Variants in TYK2 observed in about 807,000 individuals in gnomAD.
TYK2 encodes the protein non-receptor tyrosine-protein kinase TYK2.
Under a neutral mutation model 130.9 loss-of-function variants are expected in TYK2, and 65 were observed. The observed-to-expected ratio is 0.50, with a 90% CI of 0.41 to 0.61. The LOEUF (loss-of-function observed/expected upper bound fraction) is 0.61, where lower values mean the gene tolerates loss of function less well. Among genes scored for constraint, TYK2 ranks in the 20% least tolerant of loss-of-function variants. The pLI, the probability that TYK2 is intolerant of heterozygous loss-of-function variation, is 0.00. For synonymous variants in TYK2, 647 were observed against 658.9 expected (o/e 0.98, Z 0.28); for missense variants, 1,378 against 1,610.7 (o/e 0.86, Z 2.47).
intron 2 of TYK2, 139 bp downstream of exon 2, chr19:10,379,476 C>T (rs931833002): frequency 4.6e-5 from 7 of 150,672 alleles, no homozygotes; most frequent in Admixed American, 6.6e-5. Flanking sequence ...TCTTGACCAA[C>T]ATGGTGAAAC....
chr19:10,352,569 C>A lies in TYK2; in HGVS notation c.3201-18G>T. The stretch of plus-strand genomic sequence containing the variant: ...GGGCATACCTAGGGGGAGGGGGGCA[C>A]TCAGGCCACGGGGGGCTGCACTGAG... On this transcript the variant is annotated intron_variant, in intron 22 of 24. Coordinates refer to ENST00000525621, the MANE Select transcript of TYK2 (RefSeq NM_003331.5). 1.5e-6 allele frequency: 2 copies of A among 1,333,130 alleles called. No homozygotes were observed. The highest frequency in any genetic ancestry group is 2.1e-6 in the Non-Finnish European group (2 of 957,624). 82.6% of individuals were successfully genotyped at this position (1,333,130 alleles called of 1,614,324 possible).
Position 10,364,764 on chromosome 19 carries a change from C to A in TYK2, c.1217G>T (p.Ser406Ile). 1 of 1,614,014 alleles carries A rather than the reference C, an allele frequency of 6.2e-7. No homozygotes were observed. Among genetic ancestry groups the A allele is most frequent in the South Asian group, 1.1e-5 (1 of 91,092 alleles). ...CAGCGCCGCAGCCCGGGAAGGCAAG[C>A]TCAGCTCCTGCCAGCCAGGGGCGCA... ...HRQDNKCLEL[S>I]LPSRAAALSF... Residue 406 changes from serine (S) to isoleucine (I), a missense_variant, in exon 9 of 25, where the codon AGC becomes ATC. Ser to Ile is a moderately radical substitution (Grantham distance 142). Transcript: ENST00000525621. This position sits in a 1 kb window ranked among gnomAD's most constrained non-coding sequence, Gnocchi z 4.9.
At chr19:10,372,482 A>ATTTTT (rs1264507144) in intron 3 of TYK2, among the ~76,000 whole-genome samples, 15 of 54,096 alleles carry the variant, frequency 2.8e-4, no homozygotes, top group African/African-American at 8.1e-4. Flanking sequence ...ATATATATAT[A>ATTTTT]TATTTTTTTT....
chr19:10,374,897 A>C (rs2042058322), intron 3 of TYK2, among the ~76,000 whole-genome samples: 1 of 152,190 alleles, frequency 6.6e-6, no homozygotes, highest in East Asian at 1.9e-4. Flanking sequence ...AAAAAAAAAA[A>C]ATCAGTCATG....
rs2040937872 is a variant in TYK2 at position 10,353,823 on chromosome 19, CT to C, written c.2909-178del. ...AGAACCCCATTCTCACTTGAGGGAG[CT>C]GCTGGTGGCTCCCGTCCATCCTGGC... On this transcript the variant is annotated intron_variant, in intron 20 of 24. Coordinates refer to ENST00000525621, the MANE Select transcript of TYK2 (RefSeq NM_003331.5). This position sits in a 1 kb window ranked among gnomAD's most constrained non-coding sequence, Gnocchi z 6.9. The C allele has an allele frequency of 2.9e-6, 2 of 679,720 alleles. No individual in the cohort carries two copies. The highest frequency in any genetic ancestry group is 5.4e-5 in the Admixed American group (2 of 36,714). The allele number at this position is 679,720 out of a possible 1,614,324, so 42.1% of individuals were successfully genotyped here. A position where few individuals can be genotyped will look rare whatever the true frequency, so the allele number is the denominator to read the frequency against.
intron 19 of TYK2, 69 bp from the exon 20 acceptor site, chr19:10,354,303 C>G (rs948005175): frequency 1.3e-6 from 2 of 1,565,990 alleles, no homozygotes; most frequent in Non-Finnish European, 1.7e-6. Flanking sequence ...CCCCCGATTT[C>G]CCGGGCCACT....
At chr19:10,374,672 T>A (rs2042049915) in intron 3 of TYK2, among the ~76,000 whole-genome samples, 1 of 143,456 alleles carries the variant, frequency 7.0e-6, no homozygotes, top group Non-Finnish European at 1.5e-5. Context: ...GGGAACAGCA[T>A]GCATGTTCAA....
chr19:10,362,084 G>C lies in TYK2; in HGVS notation c.1767C>G (p.Ile589Met), dbSNP rs757081324. The C allele has an allele frequency of 2.2e-5, 35 of 1,613,948 alleles. No individual in the cohort carries two copies. The highest frequency in any genetic ancestry group is 2.9e-5 in the Non-Finnish European group (34 of 1,180,004). Residue 589 changes from isoleucine to methionine, a missense_variant, in exon 12 of 25, where the codon ATC becomes ATG. Coordinates refer to ENST00000525621, the MANE Select transcript of TYK2 (RefSeq NM_003331.5). ...LSFHRVDQKE[I>M]TQLSHLGQGT... ...GCCCCTTCCCTGCACCCACCTGGGT[G>C]ATCTCCTTCTGGTCAACCCGGTGGA...
Position 10,358,001 on chromosome 19 carries a change from A to T in TYK2, c.2311+2T>A, listed in dbSNP as rs1215512044. The T allele has an allele frequency of 6.2e-7, 1 of 1,613,176 alleles. No homozygotes were observed. Among genetic ancestry groups the T allele is most frequent in the East Asian group, 2.2e-5 (1 of 44,858 alleles). On this transcript the variant is annotated splice_donor_variant, in intron 16 of 24. Transcript: ENST00000525621. LOFTEE classifies it high-confidence loss of function. The stretch of plus-strand genomic sequence containing the variant: ...TGTGCCCAGGTCCCCTCAGGTACTC[A>T]CCCTCCCTGGAGAGGGCGCCCAGGC...
At chr19:10,354,716 A>T in intron 18 of TYK2, 107 bp from the exon 19 acceptor site, 1 of 922,802 alleles carries the variant, frequency 1.1e-6, no homozygotes, top group Non-Finnish European at 1.8e-6. Context: ...CCGATTCTAG[A>T]GGTAAGAAAA....
At chr19:10,354,009 T>G (rs768600166) in intron 20 of TYK2, 33 bp downstream of exon 20, 1 of 1,609,568 alleles carries the variant, frequency 6.2e-7, no homozygotes. Context: ...CCACGCCCCC[T>G]CAAGTCTCTA....
chr19:10,372,169 T>A (rs1346300166), intron 3 of TYK2, among the ~76,000 whole-genome samples: 1 of 151,218 alleles, frequency 6.6e-6, no homozygotes, highest in East Asian at 2.0e-4. Flanking sequence ...TTTTTTGTAT[T>A]TTTTTAGTAG....
rs748285310 is a variant in TYK2 at position 10,353,126 on chromosome 19, T to C, written c.3028-28A>G. 3 of 1,469,128 alleles carry C rather than the reference T, an allele frequency of 2.0e-6. No homozygotes were observed. The highest frequency in any genetic ancestry group is 2.7e-6 in the Non-Finnish European group (3 of 1,106,050). The allele number at this position is 1,469,128 out of a possible 1,614,324, so 91.0% of individuals were successfully genotyped here. A position where few individuals can be genotyped will look rare whatever the true frequency, so the allele number is the denominator to read the frequency against. On this transcript the variant is annotated intron_variant, in intron 21 of 24. Transcript: ENST00000525621. This position sits in a 1 kb window ranked among gnomAD's most constrained non-coding sequence, Gnocchi z 6.9. ...GGGGACGGGGCAGGGCTCGTGAGTT[T>C]CAGTGGGGCGGGGTTCGGCCGGGGG...
intron 14 of TYK2, among the ~76,000 whole-genome samples, chr19:10,360,739 G>A (rs541126076): frequency 1.3e-5 from 2 of 151,790 alleles, no homozygotes; most frequent in Non-Finnish European, 1.5e-5. Flanking sequence ...CTGTACAAGG[G>A]CTTTATTTTT....
In TYK2 at chr19:10,368,363, G is replaced by A. The variant is rs1415068935; in HGVS notation, c.249C>T (p.Val83=). Residue 83 remains valine, a synonymous_variant, in exon 4 of 25, where the codon GTC becomes GTT. Transcript: ENST00000525621. ...CTAGGATGTGGTTTGGGGGCAACCA[G>A]ACTTGGGCCTGAGCATCGAAGAGGG... ...LFALFDAQAQ[V]WLPPNHILEI... 1.9e-6 allele frequency: 3 copies of A among 1,614,182 alleles called. No homozygotes were observed. In the Admixed American group the frequency reaches 5.0e-5, roughly 27 times the overall value.
At chr19:10,358,294 G>GTTTTTTTTTTTTTTTTTTTTTTTTTTTT (rs770531180) in intron 15 of TYK2, among the ~76,000 whole-genome samples, 156 bp from the exon 16 acceptor site, 1 of 91,442 alleles carries the variant, frequency 1.1e-5, no homozygotes, top group African/African-American at 4.4e-5. Flanking sequence ...TTTTTTTCTT[G>GTTTTTTTTTTTTTTTTTTTTTTTTTTTT]TTTTTTTTTT....
intron 3 of TYK2, among the ~76,000 whole-genome samples, chr19:10,377,328 A>G (rs200731150): frequency 1.4e-4 from 11 of 81,210 alleles, no homozygotes; most frequent in African/African-American, 1.1e-3. Context: ...GAACGGGTGG[A>G]TGGATGGATG....
In TYK2 at chr19:10,380,462, C is replaced by G. The variant is rs2042322878; in HGVS notation, c.-268G>C. 6.6e-6 allele frequency: 1 copy of G among 152,622 alleles called. No individual in the cohort carries two copies. The highest frequency in any genetic ancestry group is 6.5e-5 in the Admixed American group (1 of 15,282). The allele number at this position is 152,622 out of a possible 1,614,324, so 9.5% of individuals were successfully genotyped here. ...GCGCAGCCAGTCCCCGCGGCTTCTT[C>G]CTGAGGACCTCCGGCCGCGCTCCTT... is the stretch of plus-strand genomic sequence containing the variant. On this transcript the variant is annotated 5_prime_UTR_variant, in exon 1 of 25. Coordinates refer to ENST00000525621, the MANE Select transcript of TYK2 (RefSeq NM_003331.5).
chr19:10,354,469 C>A (rs756751182), intron 19 of TYK2, 43 bp downstream of exon 19: 90 of 1,580,930 alleles, frequency 5.7e-5, no homozygotes, highest in Non-Finnish European at 7.6e-5. Flanking sequence ...CAAACTCCTT[C>A]CCGACCAGGC....
Sources: allele counts gnomAD v4.1 joint callset (sites outside exome capture counted in the v4.1 genomes callset), GRCh38; gene constraint gnomAD v4.1.1; non-coding constraint Gnocchi (gnomAD v3.1); transcripts MANE v1.5; gene names NCBI Gene and HGNC (gene_info 2026-07-23, HGNC 2026-07-21).